TNS1: variants seen among roughly 807,000 people sequenced by gnomAD.
TNS1 encodes the protein tensin 1.
A neutral mutation model predicts 168.6 loss-of-function variants in TNS1; 62 were observed. That is an observed-to-expected ratio of 0.37 (90% confidence interval 0.30 to 0.45). The LOEUF is 0.45. Among genes scored for constraint, TNS1 ranks in the 20% least tolerant of loss-of-function variants. The pLI is 1.00. For missense variants in TNS1, 2,240 were observed against 2,339.4 expected (o/e 0.96, Z 0.88); for synonymous variants, 934 against 933.2 (o/e 1.00, Z -0.02).
At position 217,848,526 on chromosome 2, in the gene TNS1, G is replaced by A. The variant is rs1947012134; in HGVS notation, c.1991C>T (p.Pro664Leu). The part of the protein sequence containing the change: ...SEGGYPEALS[P>L]LTNGLDKSYP... The stretch of plus-strand genomic sequence containing the variant: ...GGACTTGTCCAGACCGTTGGTCAGT[G>A]GGGACAGGGCCTCTGGGTAGCCCCC... Residue 664 changes from proline to leucine, a missense_variant, in exon 19 of 33, where the codon CCA becomes CTA. Transcript: ENST00000682258. 6.2e-7 allele frequency: 1 copy of A among 1,613,582 alleles called. No individual in the cohort carries two copies. Among genetic ancestry groups the A allele is most frequent in the Non-Finnish European group, 8.5e-7 (1 of 1,179,720 alleles).
At chr2:217,883,922 C>T (rs1425158014) in intron 16 of TNS1, among the ~76,000 whole-genome samples, 1 of 152,182 alleles carries the variant, frequency 6.6e-6, no homozygotes. Flanking sequence ...AAAGAAGTTA[C>T]AGCAAGGATG....
intron 18 of TNS1, among the ~76,000 whole-genome samples, chr2:217,876,892 GA>G (rs1363925839): frequency 1.3e-5 from 2 of 152,158 alleles, no homozygotes; most frequent in Non-Finnish European, 2.9e-5. Flanking sequence ...AGAACTATGA[GA>G]AAATTCATTT....
At chr2:217,835,025 C>T (rs1944968100) in intron 21 of TNS1, 66 bp downstream of exon 21, 2 of 1,445,920 alleles carry the variant, frequency 1.4e-6, no homozygotes, top group Non-Finnish European at 9.3e-7. Flanking sequence ...GGCACTCCCA[C>T]AGGCAGGGTT....
At chr2:217,853,248 G>A (rs775933458) in intron 18 of TNS1, among the ~76,000 whole-genome samples, 1 of 152,202 alleles carries the variant, frequency 6.6e-6, no homozygotes, top group Non-Finnish European at 1.5e-5. Flanking sequence ...GGTAGAGGAG[G>A]ATAAGAGAGG....
intron 12 of TNS1, among the ~76,000 whole-genome samples, chr2:217,889,237 A>C (rs1951511239): frequency 6.6e-6 from 1 of 152,244 alleles, no homozygotes; most frequent in Non-Finnish European, 1.5e-5. Context: ...GTTTTGTGCA[A>C]CTATAAGGTG....
intron 19 of TNS1, among the ~76,000 whole-genome samples, chr2:217,839,927 G>A (rs888489757): frequency 6.6e-6 from 1 of 152,220 alleles, no homozygotes; most frequent in Non-Finnish European, 1.5e-5. Flanking sequence ...AGCAGCCCTA[G>A]GGCAAGCCAT....
At chr2:217,866,183 T>C (rs111950446) in intron 18 of TNS1, among the ~76,000 whole-genome samples, 26 of 152,200 alleles carry the variant, frequency 1.7e-4, no homozygotes, top group Middle Eastern at 3.4e-3. Context: ...CTAAAGAAAA[T>C]GCTGCCTGGC....
intron 4 of TNS1, among the ~76,000 whole-genome samples, chr2:217,911,423 C>A (rs1264215975): frequency 1.3e-5 from 2 of 152,206 alleles, no homozygotes; most frequent in Non-Finnish European, 2.9e-5. Context: ...TGAGGTCCTG[C>A]GAGTGCACTT....
In TNS1 at chr2:217,880,660, T is replaced by C. The variant is rs1950592942; in HGVS notation, c.1429+238A>G. 6.6e-6 allele frequency among the ~76,000 whole-genome samples: 1 copy of C among 152,216 alleles called. No homozygotes were observed. The highest frequency in any genetic ancestry group is 2.4e-5 in the African/African-American group (1 of 41,444). On this transcript the variant is annotated intron_variant, in intron 18 of 32. Transcript: ENST00000682258. The surrounding 1 kb of genome is among the most constrained non-coding windows in gnomAD (Gnocchi z 4.2). The stretch of plus-strand genomic sequence containing the variant: ...TGGCTGTAGCAACACACTTCCACGA[T>C]AACCCCCTTGTGGCCATTTTGCTGC...
chr2:217,993,436 G>A (rs1048066994), intron 1 of TNS1, among the ~76,000 whole-genome samples: 1 of 152,222 alleles, frequency 6.6e-6, no homozygotes, highest in African/African-American at 2.4e-5. Context: ...AAGCCAAGCT[G>A]GGAGCAGGGG....
chr2:217,962,160 C>G (rs528135583), intron 3 of TNS1, among the ~76,000 whole-genome samples: 162 of 152,266 alleles, frequency 1.1e-3, no homozygotes, highest in African/African-American at 3.8e-3. Context: ...AGTCAAGAAC[C>G]AGGCTGGGTG....
Position 217,836,231 on chromosome 2 carries a change from T to G in TNS1, c.3008-20A>C. 6.3e-7 allele frequency: 1 copy of G among 1,592,794 alleles called. No individual in the cohort carries two copies. The highest frequency in any genetic ancestry group is 1.1e-5 in the South Asian group (1 of 89,712). The stretch of plus-strand genomic sequence containing the variant: ...GTACCCCTGGGAGGAAAGCAGGGTG[T>G]AGAGGACAATGAGCATTTTTGTGTA... On this transcript the variant is annotated intron_variant, in intron 19 of 32. Transcript: ENST00000682258.
rs1947060975 is a variant in TNS1, at chr2:217,848,791, G to T, written c.1726C>A (p.Arg576=). 6.2e-7 allele frequency: 1 copy of T among 1,613,938 alleles called. No homozygotes were observed. Among genetic ancestry groups the T allele is most frequent in the Non-Finnish European group, 8.5e-7 (1 of 1,180,032 alleles). The change falls in exon 19 of 33, where the codon CGA becomes AGA. Residue 576 remains arginine, a synonymous_variant. Transcript: ENST00000682258. ...TGGTACATGGCGCCTTGCTTCTCTC[G>T]CTCTAAGCCAAAGCCACTCAGCAGG... The part of the protein sequence containing the change: ...DRLLSGFGLE[R]EKQGAMYHTQ...
intron 18 of TNS1, chr2:217,859,381 A>G: frequency 2.3e-6 from 1 of 435,912 alleles, no homozygotes; most frequent in Non-Finnish European, 4.0e-6. Flanking sequence ...TCCCCTCCAC[A>G]GGGCAGAGTC....
chr2:217,900,723 A>G, intron 6 of TNS1: 3 of 595,506 alleles, frequency 5.0e-6, no homozygotes, highest in Non-Finnish European at 5.9e-6. Context: ...CCTGTGTGCA[A>G]GCCCCAGAGG....
chr2:217,811,748 A>G (rs1464061301), intron 28 of TNS1, among the ~76,000 whole-genome samples: 1 of 152,122 alleles, frequency 6.6e-6, no homozygotes, highest in East Asian at 1.9e-4. Flanking sequence ...GAGAGAAGCT[A>G]AACACTCCTT....
Position 217,835,960 on chromosome 2 carries a change from T to G in TNS1, c.3204+55A>C, listed in dbSNP as rs1030213779. On this transcript the variant is annotated intron_variant, in intron 20 of 32. Transcript: ENST00000682258. ...AAGTTGACCATCAGGTTTCTGGAGA[T>G]TTAAAGTGGGCACCACTACCCTCCA... The G allele has an allele frequency of 2.7e-6, 4 of 1,490,838 alleles. No homozygotes were observed. The African/African-American group carries it at 5.6e-5, about 21-fold the overall frequency. The allele number at this position is 1,490,838 out of a possible 1,614,324, so 92.4% of individuals were successfully genotyped here. A position where few individuals can be genotyped will look rare whatever the true frequency, so the allele number is the denominator to read the frequency against.
At chr2:218,001,324 C>T (rs62182231) in intron 1 of TNS1, among the ~76,000 whole-genome samples, 24,339 of 152,074 alleles carry the variant, frequency 0.16, 2,212 homozygotes, top group South Asian at 0.22. Flanking sequence ...TCATCCCTAC[C>T]TCTCTGTACC....
At chr2:217,912,027 T>C (rs746450037) in intron 4 of TNS1, among the ~76,000 whole-genome samples, 3 of 152,158 alleles carry the variant, frequency 2.0e-5, no homozygotes, top group African/African-American at 7.2e-5. Context: ...AAGCTCCACA[T>C]CCTTTCCTCA....
Sources: allele counts gnomAD v4.1 joint callset (sites outside exome capture counted in the v4.1 genomes callset), GRCh38; gene constraint gnomAD v4.1.1; non-coding constraint Gnocchi (gnomAD v3.1); transcripts MANE v1.5; gene names NCBI Gene and HGNC (gene_info 2026-07-23, HGNC 2026-07-21).